The following ABCD2 variants were observed in gnomAD, a reference collection of about 807,000 sequenced individuals.
ABCD2 encodes the protein ATP-binding cassette sub-family D member 2.
ABCD2 carries 36 observed loss-of-function variants against 70.9 expected under a neutral mutation model. The observed-to-expected ratio is 0.51, with a 90% CI of 0.39 to 0.67. The LOEUF is 0.67. ABCD2 is among the 30% of genes least tolerant of loss of function. ABCD2 has a pLI of 0.00. For missense variants in ABCD2, 729 were observed against 890.2 expected, an observed-to-expected ratio of 0.82 and a Z score of 2.30; for synonymous variants, 304 against 306.9, an observed-to-expected ratio of 0.99 and a Z score of 0.10.
intron 7 of ABCD2, among the ~76,000 whole-genome samples, chr12:39,584,343 T>C (rs1941637212): frequency 6.6e-6 from 1 of 152,192 alleles, no homozygotes; most frequent in Non-Finnish European, 1.5e-5. Flanking sequence ...TCATGTCCTT[T>C]TCCCACTTTG....
At position 39,581,659 on chromosome 12, in the gene ABCD2, T is replaced by A. The variant is rs192965956; in HGVS notation, c.1793-2040A>T. On this transcript the variant is annotated intron_variant, in intron 7 of 9. Coordinates refer to ENST00000308666, the MANE Select transcript of ABCD2 (RefSeq NM_005164.4). ...AGTGGAGAAATATTCTGGGCTTAAC[T>A]TTTTTTTCCCCTGCCCCCTGAAAAC... is the stretch of plus-strand genomic sequence containing the variant. Among the ~76,000 whole-genome samples the A allele has an allele frequency of 2.6e-3, 390 of 152,158 alleles. 2 individuals carry two copies. The highest frequency in any genetic ancestry group is 8.9e-3 in the African/African-American group (370 of 41,522).
intron 9 of ABCD2, among the ~76,000 whole-genome samples, chr12:39,566,361 G>T (rs1310199427): frequency 1.3e-5 from 2 of 152,112 alleles, no homozygotes; most frequent in Non-Finnish European, 2.9e-5. Flanking sequence ...GTCTTGGGAG[G>T]TTGTTTGTGT....
the ABCD2 span, among the ~76,000 whole-genome samples, chr12:39,535,870 C>G: frequency 6.6e-6 from 1 of 152,076 alleles, no homozygotes; most frequent in Non-Finnish European, 1.5e-5. Context: ...AGGCCAGGCG[C>G]GGTGGCTCAT....
intron 7 of ABCD2, 30 bp from the exon 8 acceptor site, chr12:39,579,649 A>G (rs375274267): frequency 1.6e-5 from 25 of 1,520,202 alleles, no homozygotes; most frequent in Middle Eastern, 1.7e-4. Flanking sequence ...ATACATTTTT[A>G]TAAATCATTT....
the ABCD2 span, among the ~76,000 whole-genome samples, chr12:39,543,687 T>C: frequency 4.1e-4 from 63 of 152,376 alleles, no homozygotes; most frequent in African/African-American, 1.5e-3. Context: ...ACATGCCATC[T>C]GACGTTTGGA....
At chr12:39,590,586 C>A (rs897910088) in intron 6 of ABCD2, among the ~76,000 whole-genome samples, 2 of 151,746 alleles carry the variant, frequency 1.3e-5, no homozygotes, top group Admixed American at 6.6e-5. Flanking sequence ...ACAATTCTTT[C>A]AAATGTATAT....
At chr12:39,533,389 A>G in the ABCD2 span, among the ~76,000 whole-genome samples, 1 of 152,114 alleles carries the variant, frequency 6.6e-6, no homozygotes, top group Non-Finnish European at 1.5e-5. Context: ...AAAGAGATTC[A>G]TTTTTTTCTG....
intron 9 of ABCD2, among the ~76,000 whole-genome samples, chr12:39,564,216 A>G (rs923130325): frequency 2.0e-5 from 3 of 152,194 alleles, no homozygotes; most frequent in Admixed American, 2.0e-4. Flanking sequence ...GACTCCCACA[A>G]TGGTTAAACT....
rs537636224 is a variant in ABCD2, at chr12:39,578,290, C to T, written c.1877+1245G>A. On this transcript the variant is annotated intron_variant, in intron 8 of 9. Transcript: ENST00000308666. ...GAGATCGAGACCATCCTGGCTAACA[C>T]GGTGAAACCCCGTCTCTACTAAAAA... 3.8e-3 allele frequency among the ~76,000 whole-genome samples: 582 copies of T among 151,982 alleles called. 4 individuals carry two copies. Among genetic ancestry groups the T allele is most frequent in the Non-Finnish European group, 6.8e-3 (461 of 67,968 alleles).
At chr12:39,603,668 A>C (rs1400769366) in intron 5 of ABCD2, among the ~76,000 whole-genome samples, 2 of 152,112 alleles carry the variant, frequency 1.3e-5, no homozygotes, top group African/African-American at 4.8e-5. Flanking sequence ...ATTGTTCCCC[A>C]AAATTACCTT....
At chr12:39,544,543 T>C in the ABCD2 span, among the ~76,000 whole-genome samples, 15 of 152,166 alleles carry the variant, frequency 9.9e-5, no homozygotes, top group African/African-American at 3.6e-4. Flanking sequence ...CACCCAGGAA[T>C]GAACAAGGAC....
intron 9 of ABCD2, among the ~76,000 whole-genome samples, chr12:39,560,758 T>G (rs1214526268): frequency 6.6e-6 from 1 of 152,140 alleles, no homozygotes; most frequent in Non-Finnish European, 1.5e-5. Context: ...TGTTATGAAC[T>G]TAAAATAACA....
In ABCD2 at chr12:39,573,726, G is replaced by T. The variant is rs190980733; in HGVS notation, c.1993C>A (p.Pro665Thr). ...GISLLSITHR[P>T]SLWKYHTHLL... Reference sequence around the variant, plus strand: ...ACTAGAAACACTTACCAAAGAGAAGGTCTGTGTGTTATAGACAGTAAGGAA... The same window carrying T: ...ACTAGAAACACTTACCAAAGAGAAGTTCTGTGTGTTATAGACAGTAAGGAA... The change falls in exon 9 of 10, where the codon CCT becomes ACT. Residue 665 changes from proline (P) to threonine (T), a missense_variant. Around this residue, in one of 3 missense-constraint regions of ABCD2, gnomAD observed 289 missense variants for 328.8 expected, o/e 0.88. Coordinates refer to ENST00000308666, the MANE Select transcript of ABCD2 (RefSeq NM_005164.4). The T allele has an allele frequency of 1.3e-5, 21 of 1,609,940 alleles. No individual in the cohort carries two copies. The highest frequency in any genetic ancestry group is 1.7e-4 in the Middle Eastern group (1 of 6,036).
At chr12:39,577,622 G>T (rs1045251314) in intron 8 of ABCD2, among the ~76,000 whole-genome samples, 3 of 151,984 alleles carry the variant, frequency 2.0e-5, no homozygotes, top group South Asian at 2.1e-4. Context: ...AGTGTAAAAA[G>T]ATATTTTTGA....
chr12:39,531,816 T>C, the ABCD2 span, among the ~76,000 whole-genome samples: 20 of 152,262 alleles, frequency 1.3e-4, no homozygotes, highest in Non-Finnish European at 2.1e-4. Context: ...TAGTAACCTC[T>C]AGTCTTTGTG....
At chr12:39,588,572 A>G (rs1443221839) in intron 6 of ABCD2, among the ~76,000 whole-genome samples, 2 of 152,220 alleles carry the variant, frequency 1.3e-5, no homozygotes, top group Non-Finnish European at 2.9e-5. Flanking sequence ...GAGGGCGTGG[A>G]TTGCCAATAC....
chr12:39,549,535 C>T (rs1267872857), downstream of ABCD2, among the ~76,000 whole-genome samples: 2 of 151,768 alleles, frequency 1.3e-5, no homozygotes, highest in African/African-American at 2.4e-5. Context: ...GGCCTCAAAA[C>T]TTTTGAAAAT....
At chr12:39,588,611 A>G (rs11172702) in intron 6 of ABCD2, among the ~76,000 whole-genome samples, 11,295 of 152,266 alleles carry the variant, frequency 0.074, 619 homozygotes, top group South Asian at 0.29. Flanking sequence ...GGAATGCGAG[A>G]AAATAAATTT....
intron 7 of ABCD2, among the ~76,000 whole-genome samples, chr12:39,583,236 C>T (rs1941621618): frequency 6.6e-6 from 1 of 152,092 alleles, no homozygotes; most frequent in Non-Finnish European, 1.5e-5. Flanking sequence ...TCACAAAAAA[C>T]TTATAAGGTA....
Sources: gnomAD v4.1 joint callset for allele counts (sites outside exome capture counted in the v4.1 genomes callset) on GRCh38, gnomAD v4.1.1 for gene constraint, gnomAD v4.1.1 regional missense constraint, MANE v1.5 for transcripts, NCBI Gene and HGNC (gene_info 2026-07-23, HGNC 2026-07-21) for gene names.